CPB1: variants seen among roughly 807,000 people sequenced by gnomAD.
CPB1 encodes carboxypeptidase B.
In CPB1, 53 loss-of-function variants were observed where a neutral mutation model predicts 51.4. The ratio of observed to expected loss-of-function variants is 1.03; its 90% CI spans 0.83 to 1.30. CPB1 has a LOEUF of 1.30. Ranked by LOEUF, CPB1 falls within the 50% of genes most tolerant of loss-of-function variation. The pLI, the probability that CPB1 is intolerant of heterozygous loss-of-function variation, is 0.00. For missense variants in CPB1, 494 were observed against 516.2 expected (o/e 0.96, Z 0.42); for synonymous variants, 189 against 186.9 (o/e 1.01, Z -0.09).
chr3:148,859,214 G>A (rs1713680421), intron 10 of CPB1, among the ~76,000 whole-genome samples: 1 of 151,992 alleles, frequency 6.6e-6, no homozygotes, highest in South Asian at 2.1e-4. Flanking sequence ...GTTCAGTGGG[G>A]GCTATACAAT....
intron 3 of CPB1, among the ~76,000 whole-genome samples, chr3:148,837,654 G>C (rs1275914477): frequency 6.6e-6 from 1 of 151,748 alleles, no homozygotes; most frequent in Non-Finnish European, 1.5e-5. Context: ...GTAGTACTTT[G>C]TCCTAAATCT....
chr3:148,856,983 A>G (rs1054463418), intron 9 of CPB1: 1 of 152,952 alleles, frequency 6.5e-6, no homozygotes. Context: ...TCCTATGTGC[A>G]GTTTCTAATG....
At chr3:148,829,327 T>C (rs1291445362) in intron 2 of CPB1, among the ~76,000 whole-genome samples, 3 of 152,226 alleles carry the variant, frequency 2.0e-5, no homozygotes, top group African/African-American at 7.2e-5. Context: ...TTCTGATTAA[T>C]GTATACTACA....
Position 148,844,579 on chromosome 3 carries a change from C to G in CPB1, c.678C>G (p.Thr226=). The change falls in exon 7 of 11, where the codon ACC becomes ACG. Residue 226 remains threonine (T), a synonymous_variant. Coordinates refer to ENST00000282957, the MANE Select transcript of CPB1 (RefSeq NM_001871.3). ...PVLNIDGYIY[T]WTKSRFWRKT... is the part of the protein sequence containing the mutation. ...TCAATATTGATGGCTACATCTACAC[C>G]TGGACCAAGGTATATGCACCAATAC... 6.2e-7 allele frequency: 1 copy of G among 1,613,616 alleles called. No homozygotes were observed. The highest frequency in any genetic ancestry group is 1.3e-5 in the African/African-American group (1 of 75,014).
Position 148,846,779 on chromosome 3 carries a change from A to ATGTGTG in CPB1, c.981+1154_981+1155insGTGTGT, listed in dbSNP as rs1326750214. Among the ~76,000 whole-genome samples the ATGTGTG allele has an allele frequency of 7.1e-3, 439 of 62,100 alleles. 8 individuals are homozygous for ATGTGTG. Among genetic ancestry groups the ATGTGTG allele is most frequent in the Non-Finnish European group, 0.01 (326 of 32,020 alleles). 40.7% of individuals were successfully genotyped at this position (62,100 alleles called of 152,430 possible). On this transcript the variant is annotated intron_variant, in intron 9 of 10. Transcript: ENST00000282957. ...TACATATATATATATATACACATATATATGTGTGTGTGCGTGTGTATATAT... is the reference window on the plus strand; with the variant it reads ...TACATATATATATATATACACATATATGTGTGTATGTGTGTGTGCGTGTGTATATAT...
intron 3 of CPB1, among the ~76,000 whole-genome samples, 200 bp downstream of exon 3, chr3:148,834,822 C>G (rs1291421128): frequency 2.0e-5 from 3 of 152,230 alleles, no homozygotes; most frequent in African/African-American, 2.4e-5. Context: ...AGTTATTGCT[C>G]TAATTAAAAT....
chr3:148,844,954 C>T (rs920640322), intron 8 of CPB1, among the ~76,000 whole-genome samples, 187 bp downstream of exon 8: 5 of 151,246 alleles, frequency 3.3e-5, no homozygotes, highest in African/African-American at 9.7e-5. Context: ...AACTCTGTTG[C>T]GTTCCCAGCT....
chr3:148,841,672 T>C, intron 5 of CPB1, 151 bp from the exon 6 acceptor site: 1 of 593,926 alleles, frequency 1.7e-6, no homozygotes, highest in Non-Finnish European at 3.0e-6. Context: ...ACATACTGTG[T>C]TAGTATTATA....
At chr3:148,846,704 A>C (rs1208720109) in intron 9 of CPB1, among the ~76,000 whole-genome samples, 1 of 145,206 alleles carries the variant, frequency 6.9e-6, no homozygotes, top group African/African-American at 2.5e-5. Context: ...ATTTTTCAAA[A>C]AGCTTTTCAT....
intron 10 of CPB1, 65 bp from the exon 11 acceptor site, chr3:148,859,750 T>C: frequency 6.8e-7 from 1 of 1,478,158 alleles, no homozygotes; most frequent in Non-Finnish European, 9.1e-7. Flanking sequence ...AAAAAGAAAC[T>C]GGCAATTTTT....
chr3:148,831,294 C>T (rs1345680801), intron 2 of CPB1, among the ~76,000 whole-genome samples: 2 of 152,074 alleles, frequency 1.3e-5, no homozygotes, highest in Non-Finnish European at 2.9e-5. Flanking sequence ...TTACTGTCTT[C>T]CAATGTTCTT....
chr3:148,843,353 GA>G (rs1341332358), intron 6 of CPB1, among the ~76,000 whole-genome samples: 4 of 151,884 alleles, frequency 2.6e-5, no homozygotes, highest in African/African-American at 9.7e-5. Context: ...TGAAAACATT[GA>G]AGTGCTTTAA....
chr3:148,842,742 G>A (rs900345966), intron 6 of CPB1, among the ~76,000 whole-genome samples: 10 of 152,160 alleles, frequency 6.6e-5, no homozygotes, highest in Admixed American at 2.0e-4. Context: ...TTATCTCCTC[G>A]CAAAAAGTAT....
chr3:148,851,517 CA>C (rs1224618105), intron 9 of CPB1: 1 of 151,942 alleles, frequency 6.6e-6, no homozygotes, highest in Non-Finnish European at 1.5e-5. Flanking sequence ...AGAAACCATA[CA>C]AAAGGAGAAC....
intron 9 of CPB1, among the ~76,000 whole-genome samples, chr3:148,846,671 C>T (rs1425975225): frequency 6.8e-6 from 1 of 146,920 alleles, no homozygotes; most frequent in Non-Finnish European, 1.5e-5. Context: ...TTGGATGGGC[C>T]CTTTTCTTTA....
rs148110546 is a variant in CPB1, at chr3:148,848,585, C to T, written c.981+2959C>T. The stretch of plus-strand genomic sequence containing the variant: ...CTAGACTAAAGGAAATTATTTTGTG[C>T]TTATGTTAGCATTTTCAGCCCAAAC... On this transcript the variant is annotated intron_variant, in intron 9 of 10. Coordinates refer to ENST00000282957, the MANE Select transcript of CPB1 (RefSeq NM_001871.3). Among the ~76,000 whole-genome samples the T allele has an allele frequency of 5.6e-3, 847 of 152,138 alleles. 13 individuals carry two copies. The highest frequency in any genetic ancestry group is 0.04 in the East Asian group (205 of 5,164).
In CPB1 at chr3:148,840,885, G is replaced by A. The variant is rs1713055250; in HGVS notation, c.384G>A (p.Trp128Ter). Reference protein sequence around the residue: ...KYNKWETIEAWTQQVATENPA... With the variant: ...KYNKWETIEA ...ATTCCATTTGGTAGATAGAGGCTTGGACTCAACAAGTCGCCACTGAGAATC... is the reference window on the plus strand; with the variant it reads ...ATTCCATTTGGTAGATAGAGGCTTGAACTCAACAAGTCGCCACTGAGAATC... Residue 128 changes from tryptophan to a stop codon, truncating the protein, a stop_gained, in exon 5 of 11, where the codon TGG (tryptophan) becomes TGA (stop). Coordinates refer to ENST00000282957, the MANE Select transcript of CPB1 (RefSeq NM_001871.3). LOFTEE classifies it high-confidence loss of function. 1 of 1,613,990 alleles carries A rather than the reference G, an allele frequency of 6.2e-7. No individual in the cohort carries two copies. The highest frequency in any genetic ancestry group is 8.5e-7 in the Non-Finnish European group (1 of 1,179,996).
chr3:148,839,381 T>A lies in CPB1; in HGVS notation c.273-1305T>A, dbSNP rs1349702450. On this transcript the variant is annotated intron_variant, in intron 3 of 10. Coordinates refer to ENST00000282957, the MANE Select transcript of CPB1 (RefSeq NM_001871.3). ...ACCTACAGAACTATAAAATAAAAAA[T>A]TCACGTTGTTTTAAGCCACTAAGTC... Among the ~76,000 whole-genome samples the A allele has an allele frequency of 2.0e-5, 3 of 152,168 alleles. No individual in the cohort carries two copies. The East Asian group carries it at 5.8e-4, about 29-fold the overall frequency.
At chr3:148,843,000 A>T (rs1713133072) in intron 6 of CPB1, among the ~76,000 whole-genome samples, 1 of 152,200 alleles carries the variant, frequency 6.6e-6, no homozygotes, top group African/African-American at 2.4e-5. Context: ...CATTCTGCAA[A>T]ATAAACTGAC....
Sources: gnomAD v4.1 joint callset for allele counts (sites outside exome capture counted in the v4.1 genomes callset) on GRCh38, gnomAD v4.1.1 for gene constraint, MANE v1.5 for transcripts, NCBI Gene and HGNC (gene_info 2026-07-23, HGNC 2026-07-21) for gene names.